The following GABRG3 variants were observed in gnomAD, a reference collection of about 807,000 sequenced individuals.
The protein encoded by GABRG3 is gamma-aminobutyric acid type A receptor subunit gamma3, also known as gamma-aminobutyric acid receptor subunit gamma-3.
A neutral mutation model predicts 48.8 loss-of-function variants in GABRG3; 25 were observed. The observed-to-expected ratio is 0.51, with a 90% confidence interval of 0.37 to 0.72. The LOEUF is 0.72. Ranked by LOEUF, GABRG3 falls within the 30% of genes least tolerant of loss-of-function variation. The pLI is 0.00. For synonymous variants in GABRG3, 227 were observed against 217.6 expected (o/e 1.04, Z -0.38); for missense variants, 394 against 577.9 (o/e 0.68, Z 3.26).
chr15:27,115,537 A>G (rs1372027178), intron 3 of GABRG3, among the ~76,000 whole-genome samples: 1 of 152,160 alleles, frequency 6.6e-6, no homozygotes, highest in Non-Finnish European at 1.5e-5. Flanking sequence ...CGAATCCCCC[A>G]AAACTCCTTG....
At chr15:27,137,569 C>CT (rs1201884529) in intron 3 of GABRG3, among the ~76,000 whole-genome samples, 2 of 152,148 alleles carry the variant, frequency 1.3e-5, no homozygotes, top group African/African-American at 4.8e-5. Context: ...TCCACACACC[C>CT]TGCATACATA....
chr15:27,102,631 A>G (rs1897380874), intron 3 of GABRG3, among the ~76,000 whole-genome samples: 1 of 152,216 alleles, frequency 6.6e-6, no homozygotes, highest in South Asian at 2.1e-4. Context: ...CCTTGGTCAC[A>G]TAACTATAAA....
chr15:27,359,911 CTTGT>C (rs573400607), intron 5 of GABRG3, among the ~76,000 whole-genome samples: 9 of 152,242 alleles, frequency 5.9e-5, no homozygotes, highest in Admixed American at 3.3e-4. Flanking sequence ...ATACGTTTTT[CTTGT>C]TTGTTTGTTT....
At chr15:27,254,073 TG>T (rs1890540038) in intron 3 of GABRG3, among the ~76,000 whole-genome samples, 1 of 152,242 alleles carries the variant, frequency 6.6e-6, no homozygotes, top group Non-Finnish European at 1.5e-5. Flanking sequence ...GAAGAGTCTC[TG>T]AGTTTCTTTG....
At chr15:27,200,940 C>T (rs1888661443) in intron 3 of GABRG3, among the ~76,000 whole-genome samples, 1 of 152,084 alleles carries the variant, frequency 6.6e-6, no homozygotes, top group African/African-American at 2.4e-5. Flanking sequence ...TTTAGCTCAT[C>T]CATACTTCAT....
At position 26,980,595 on chromosome 15, in the gene GABRG3, C is replaced by G. The variant is rs183062636; in HGVS notation, c.202+3445C>G. Among the ~76,000 whole-genome samples, 7 of 149,814 alleles carry G rather than the reference C, an allele frequency of 4.7e-5. No homozygotes were observed. In the East Asian group the frequency reaches 1.2e-3, roughly 25 times the overall value. On this transcript the variant is annotated intron_variant, in intron 2 of 9. Coordinates refer to ENST00000615808, the MANE Select transcript of GABRG3 (RefSeq NM_033223.5). ...TGAGGAGGCTGAGGCAGGAGAATGGCGTGAACCTGGGAGGCAGATGTTGCA... is the reference window on the plus strand; with the variant it reads ...TGAGGAGGCTGAGGCAGGAGAATGGGGTGAACCTGGGAGGCAGATGTTGCA...
At chr15:27,353,313 C>CA (rs1894694107) in intron 5 of GABRG3, among the ~76,000 whole-genome samples, 1 of 152,108 alleles carries the variant, frequency 6.6e-6, no homozygotes, top group African/African-American at 2.4e-5. Context: ...AGCCACAGGG[C>CA]GCATGTGTGT....
chr15:27,261,538 A>G (rs1890768256), intron 3 of GABRG3, among the ~76,000 whole-genome samples: 1 of 149,422 alleles, frequency 6.7e-6, no homozygotes, highest in South Asian at 2.1e-4. Context: ...ACATATATAT[A>G]TGTATATATA....
At chr15:27,177,311 A>G (rs1468599599) in intron 3 of GABRG3, among the ~76,000 whole-genome samples, 2 of 152,226 alleles carry the variant, frequency 1.3e-5, no homozygotes, top group East Asian at 3.9e-4. Context: ...GTTTTACGAT[A>G]GTGTTGTTAT....
intron 3 of GABRG3, among the ~76,000 whole-genome samples, chr15:27,309,287 CTG>C (rs1892914325): frequency 6.7e-6 from 1 of 149,276 alleles, no homozygotes; most frequent in African/African-American, 2.5e-5. Flanking sequence ...TATATGAATT[CTG>C]TGTTTTATAT....
chr15:27,116,368 A>G (rs1897641335), intron 3 of GABRG3, among the ~76,000 whole-genome samples: 1 of 152,200 alleles, frequency 6.6e-6, no homozygotes, highest in East Asian at 1.9e-4. Flanking sequence ...TGACTTTTAT[A>G]TATTTTTTTC....
rs963100484 is a variant in GABRG3 at position 27,150,121 on chromosome 15, C to G, written c.270+123300C>G. ...AGGTGTCCAGAGGTGATACAACCAT[C>G]ATTTAGATGTTTCTTTTGGGAATAG... On this transcript the variant is annotated intron_variant, in intron 3 of 9. Coordinates refer to ENST00000615808, the MANE Select transcript of GABRG3 (RefSeq NM_033223.5). 2.6e-5 allele frequency among the ~76,000 whole-genome samples: 4 copies of G among 152,186 alleles called. 1 individual carries two copies. The highest frequency in any genetic ancestry group is 6.5e-5 in the Admixed American group (1 of 15,288).
Position 26,971,527 on chromosome 15 carries a change from C to G in GABRG3, c.-9C>G, listed in dbSNP as rs1216700961. ...GCCCCGGACCCTGCGCCCCGAGCTC[C>G]ACGGCACCATGGCCCCGAAGCTGCT... On this transcript the variant is annotated 5_prime_UTR_variant, in exon 1 of 10. Transcript: ENST00000615808. 6.6e-7 allele frequency: 1 copy of G among 1,524,910 alleles called. No individual in the cohort carries two copies. The highest frequency in any genetic ancestry group is 8.8e-7 in the Non-Finnish European group (1 of 1,136,758). 94.5% of individuals were successfully genotyped at this position (1,524,910 alleles called of 1,614,324 possible). A position where few individuals can be genotyped will look rare whatever the true frequency, so the allele number is the denominator to read the frequency against.
At chr15:27,172,957 G>C (rs1180067272) in intron 3 of GABRG3, among the ~76,000 whole-genome samples, 3 of 152,170 alleles carry the variant, frequency 2.0e-5, no homozygotes, top group Non-Finnish European at 2.9e-5. Flanking sequence ...GCTACCCTGA[G>C]TGAACCACAC....
chr15:27,358,441 A>G (rs754226386), intron 5 of GABRG3, among the ~76,000 whole-genome samples: 5 of 152,042 alleles, frequency 3.3e-5, no homozygotes, highest in South Asian at 2.1e-4. Context: ...TCCTATGCAA[A>G]TGCTGCTGAG....
intron 3 of GABRG3, among the ~76,000 whole-genome samples, chr15:27,113,918 A>G (rs1322967073): frequency 6.6e-6 from 1 of 152,210 alleles, no homozygotes; most frequent in Non-Finnish European, 1.5e-5. Flanking sequence ...GAGTGATGCT[A>G]GGGAACCAGC....
chr15:27,502,076 C>T (rs1890655087), intron 6 of GABRG3, among the ~76,000 whole-genome samples: 2 of 152,092 alleles, frequency 1.3e-5, no homozygotes, highest in South Asian at 4.2e-4. Flanking sequence ...AGGTCAAGCT[C>T]AAGGTAGGAG....
At chr15:27,020,818 A>AT (rs1178894690) in intron 2 of GABRG3, among the ~76,000 whole-genome samples, 12 of 152,088 alleles carry the variant, frequency 7.9e-5, no homozygotes, top group Non-Finnish European at 1.5e-4. Context: ...AGGTGATATA[A>AT]TTTTTGTTGT....
At chr15:27,341,790 T>A (rs181591745) in intron 5 of GABRG3, among the ~76,000 whole-genome samples, 3 of 152,228 alleles carry the variant, frequency 2.0e-5, no homozygotes, top group Admixed American at 2.0e-4. Flanking sequence ...ACTCAGGCCA[T>A]GGAGTGTGAG....
Sources: allele counts gnomAD v4.1 joint callset (sites outside exome capture counted in the v4.1 genomes callset), GRCh38; gene constraint gnomAD v4.1.1; transcripts MANE v1.5; gene names NCBI Gene and HGNC (gene_info 2026-07-23, HGNC 2026-07-21).